The following GALNT13 variants were observed in gnomAD, a reference collection of about 807,000 sequenced individuals.
GALNT13 encodes UDP-GalNAc:polypeptide N-acetylgalactosaminyltransferase 13.
In GALNT13, 28 loss-of-function variants were observed where a neutral mutation model predicts 64.2. The observed-to-expected ratio is 0.44, with a 90% confidence interval of 0.32 to 0.60. GALNT13 has a LOEUF of 0.60. Ranked by LOEUF, GALNT13 falls within the 20% of genes least tolerant of loss-of-function variation. The probability of loss-of-function intolerance (pLI) is 0.05; values close to 1 mark genes in which losing one functional copy is unlikely to be tolerated. For missense variants in GALNT13, 577 were observed against 669.8 expected (o/e 0.86, Z 1.53); for synonymous variants, 214 against 224.6 (o/e 0.95, Z 0.42).
At chr2:154,250,618 C>T (rs971180621) in intron 7 of GALNT13, among the ~76,000 whole-genome samples, 2 of 152,032 alleles carry the variant, frequency 1.3e-5, no homozygotes, top group African/African-American at 4.8e-5. Context: ...AATATTATCA[C>T]TGAATCAATT....
the GALNT13 span, among the ~76,000 whole-genome samples, chr2:153,271,785 C>T: frequency 6.6e-6 from 1 of 152,026 alleles, no homozygotes; most frequent in Admixed American, 6.6e-5. Context: ...TCATATGGAA[C>T]CAAAAAAGAG....
intron 3 of GALNT13, among the ~76,000 whole-genome samples, chr2:153,974,293 G>T (rs555599100): frequency 6.6e-6 from 1 of 152,086 alleles, no homozygotes. Flanking sequence ...AATATTTGCT[G>T]TATAGTGGTT....
At chr2:153,587,538 G>A in the GALNT13 span, among the ~76,000 whole-genome samples, 1 of 152,070 alleles carries the variant, frequency 6.6e-6, no homozygotes, top group Non-Finnish European at 1.5e-5. Context: ...ACTTGTGCAG[G>A]GGAACCCCTC....
At chr2:154,199,433 A>G (rs1036233016) in intron 4 of GALNT13, among the ~76,000 whole-genome samples, 8 of 152,092 alleles carry the variant, frequency 5.3e-5, no homozygotes, top group Non-Finnish European at 1.2e-4. Flanking sequence ...GTCTTTGTAT[A>G]TAATCAAACA....
chr2:154,010,550 C>CT (rs1696563355), intron 3 of GALNT13, among the ~76,000 whole-genome samples: 1 of 151,994 alleles, frequency 6.6e-6, no homozygotes, highest in Non-Finnish European at 1.5e-5. Context: ...GAAGTCTTCT[C>CT]TTTTTGTTGT....
chr2:153,849,357 G>A, the GALNT13 span, among the ~76,000 whole-genome samples: 5 of 152,106 alleles, frequency 3.3e-5, no homozygotes, highest in African/African-American at 7.2e-5. Flanking sequence ...AGACTATAAT[G>A]TCTGCTTTTG....
At chr2:153,380,581 G>T in the GALNT13 span, among the ~76,000 whole-genome samples, 1 of 151,820 alleles carries the variant, frequency 6.6e-6, no homozygotes, top group African/African-American at 2.4e-5. Context: ...GTAAGGGGGT[G>T]GGGGGTCCTG....
chr2:153,108,486 C>T, the GALNT13 span, among the ~76,000 whole-genome samples: 1 of 152,052 alleles, frequency 6.6e-6, no homozygotes, highest in Non-Finnish European at 1.5e-5. Context: ...TATTCAGGAA[C>T]TTGGGAATGG....
At chr2:153,861,793 C>T in the GALNT13 span, among the ~76,000 whole-genome samples, 1 of 152,082 alleles carries the variant, frequency 6.6e-6, no homozygotes, top group South Asian at 2.1e-4. Flanking sequence ...CCAGGTTGGT[C>T]ATGAACTCCA....
At chr2:153,240,777 T>C in the GALNT13 span, among the ~76,000 whole-genome samples, 1 of 152,064 alleles carries the variant, frequency 6.6e-6, no homozygotes. Context: ...GTAGCCCCAT[T>C]ACAGGGTGTC....
At chr2:153,985,810 T>C (rs1247450124) in intron 3 of GALNT13, among the ~76,000 whole-genome samples, 1 of 152,022 alleles carries the variant, frequency 6.6e-6, no homozygotes, top group African/African-American at 2.4e-5. Context: ...ATTTTCCTGT[T>C]TCATTATTTA....
chr2:153,891,142 T>G (rs1687527037), intron 1 of GALNT13, among the ~76,000 whole-genome samples: 2 of 152,048 alleles, frequency 1.3e-5, no homozygotes, highest in South Asian at 4.1e-4. Flanking sequence ...AGCAAAATGC[T>G]CTACACAATT....
the GALNT13 span, among the ~76,000 whole-genome samples, chr2:153,802,391 T>A: frequency 1.3e-5 from 2 of 152,186 alleles, no homozygotes; most frequent in Non-Finnish European, 2.9e-5. Context: ...TTTTAGGATA[T>A]TTGGTTTGGT....
chr2:153,732,582 T>G, the GALNT13 span, among the ~76,000 whole-genome samples: 1 of 152,026 alleles, frequency 6.6e-6, no homozygotes, highest in African/African-American at 2.4e-5. Context: ...TGAATCAAGG[T>G]CAAGACCCTT....
At chr2:153,419,622 C>T in the GALNT13 span, among the ~76,000 whole-genome samples, 42,211 of 152,052 alleles carry the variant, frequency 0.28, 7,257 homozygotes, top group Non-Finnish European at 0.39. Flanking sequence ...TATAGTTACA[C>T]AAATTTACAT....
At chr2:153,416,338 C>A in the GALNT13 span, among the ~76,000 whole-genome samples, 1 of 152,152 alleles carries the variant, frequency 6.6e-6, no homozygotes, top group Non-Finnish European at 1.5e-5. Flanking sequence ...TAACAAAGAA[C>A]AAGCACTGAG....
At chr2:153,674,257 A>C in the GALNT13 span, among the ~76,000 whole-genome samples, 62 of 152,172 alleles carry the variant, frequency 4.1e-4, no homozygotes. Context: ...AATCCTAAGC[A>C]AAAAGAACAA....
chr2:154,446,628 G>A (rs1397501614), intron 12 of GALNT13: 1 of 1,548,472 alleles, frequency 6.5e-7, no homozygotes, highest in South Asian at 1.2e-5. Flanking sequence ...AGTAGCTGAT[G>A]GCTCCCAGCA....
At chr2:154,202,818 G>C (rs1344936146) in intron 4 of GALNT13, among the ~76,000 whole-genome samples, 1 of 152,112 alleles carries the variant, frequency 6.6e-6, no homozygotes, top group Non-Finnish European at 1.5e-5. Flanking sequence ...TACCATCGGT[G>C]ATTCCAAGGT....
Sources: gnomAD v4.1 joint callset for allele counts (sites outside exome capture counted in the v4.1 genomes callset) on GRCh38, gnomAD v4.1.1 for gene constraint, MANE v1.5 for transcripts, NCBI Gene and HGNC (gene_info 2026-07-23, HGNC 2026-07-21) for gene names.